Variants in PSD3 observed in about 807,000 individuals in gnomAD.
The protein encoded by PSD3 is PH and SEC7 domain-containing protein 3.
In PSD3, 49 loss-of-function variants were observed where a neutral mutation model predicts 105.5. That is an observed-to-expected ratio of 0.46 (90% confidence interval 0.37 to 0.59). The LOEUF is 0.59. Ranked by LOEUF, PSD3 falls within the 20% of genes least tolerant of loss-of-function variation. The pLI, the probability that PSD3 is intolerant of heterozygous loss-of-function variation, is 0.00. For synonymous variants in PSD3, 557 were observed against 457.8 expected, an observed-to-expected ratio of 1.22 and a Z score of -2.77; for missense variants, 1,561 against 1,263.8, an observed-to-expected ratio of 1.24 and a Z score of -3.57.
intron 1 of PSD3, among the ~76,000 whole-genome samples, chr8:18,957,583 CT>C (rs1050260290): frequency 6.6e-5 from 10 of 152,138 alleles, no homozygotes; most frequent in Non-Finnish European, 1.5e-5. Flanking sequence ...TGCTACAATT[CT>C]TTCACCTATT....
intron 3 of PSD3, among the ~76,000 whole-genome samples, chr8:18,868,847 A>C (rs904757041): frequency 6.6e-6 from 1 of 152,236 alleles, no homozygotes; most frequent in African/African-American, 2.4e-5. Flanking sequence ...AGAGGTCAAG[A>C]GTTAGAAAAA....
chr8:18,732,512 G>C, intron 9 of PSD3, among the ~76,000 whole-genome samples: 1 of 152,220 alleles, frequency 6.6e-6, no homozygotes, highest in East Asian at 1.9e-4. Context: ...CTGACCTGGG[G>C]CTGGAGGATC....
At chr8:18,755,701 A>G (rs1056246917) in intron 9 of PSD3, among the ~76,000 whole-genome samples, 4 of 150,058 alleles carry the variant, frequency 2.7e-5, no homozygotes, top group Admixed American at 6.6e-5. Flanking sequence ...ATCTGTTTGT[A>G]CTCTTAAGCA....
At chr8:18,752,875 G>A (rs963565337) in intron 9 of PSD3, among the ~76,000 whole-genome samples, 1 of 150,814 alleles carries the variant, frequency 6.6e-6, no homozygotes, top group East Asian at 2.0e-4. Flanking sequence ...TACCTGTCTT[G>A]CATTCTCAAG....
At chr8:19,080,173 G>T (rs936223197) in intron 1 of PSD3, among the ~76,000 whole-genome samples, 3 of 152,182 alleles carry the variant, frequency 2.0e-5, no homozygotes, top group African/African-American at 7.2e-5. Flanking sequence ...ACAGGCGTAA[G>T]CCACCGCGCC....
chr8:18,884,932 A>G (rs896131669), intron 2 of PSD3, among the ~76,000 whole-genome samples: 6 of 152,234 alleles, frequency 3.9e-5, no homozygotes, highest in African/African-American at 1.4e-4. Flanking sequence ...GGAACAGCCC[A>G]TTAATTTTAA....
At chr8:18,711,470 G>A (rs1177879173) in intron 9 of PSD3, among the ~76,000 whole-genome samples, 2 of 151,910 alleles carry the variant, frequency 1.3e-5, no homozygotes, top group South Asian at 2.1e-4. Flanking sequence ...AAACAGCAGG[G>A]GTCACAATCA....
chr8:19,002,527 T>C (rs1826459103), intron 1 of PSD3, among the ~76,000 whole-genome samples: 1 of 152,102 alleles, frequency 6.6e-6, no homozygotes, highest in Non-Finnish European at 1.5e-5. Context: ...CTGCATGAAT[T>C]CTTTATTCTT....
At chr8:18,998,661 C>G (rs368373531) in intron 1 of PSD3, among the ~76,000 whole-genome samples, 3 of 151,696 alleles carry the variant, frequency 2.0e-5, no homozygotes, top group East Asian at 1.9e-4. Flanking sequence ...CACTCCAGCC[C>G]GAGCAACAGA....
intron 1 of PSD3, among the ~76,000 whole-genome samples, chr8:18,992,743 AT>A (rs550759342): frequency 1.6e-4 from 24 of 152,128 alleles, no homozygotes; most frequent in African/African-American, 5.3e-4. Context: ...AGAAACCATA[AT>A]TTTTTTTAAG....
At chr8:18,730,323 C>T (rs1472457273) in intron 9 of PSD3, 2 of 152,208 alleles carry the variant, frequency 1.3e-5, no homozygotes, top group Non-Finnish European at 2.9e-5. Context: ...AAAATGTCTC[C>T]TTCTCCAGCT....
At chr8:18,894,464 G>A (rs1305579770) in intron 2 of PSD3, among the ~76,000 whole-genome samples, 1 of 152,134 alleles carries the variant, frequency 6.6e-6, no homozygotes, top group Non-Finnish European at 1.5e-5. Context: ...CGTTGTGTGA[G>A]AAGGAATCAC....
At chr8:19,055,234 T>G (rs961963393) in intron 1 of PSD3, among the ~76,000 whole-genome samples, 4 of 152,142 alleles carry the variant, frequency 2.6e-5, no homozygotes, top group African/African-American at 9.7e-5. Flanking sequence ...ACTAATGACA[T>G]GTTTACGTCC....
chr8:19,063,432 A>T (rs1586682982), intron 1 of PSD3, among the ~76,000 whole-genome samples: 1 of 152,198 alleles, frequency 6.6e-6, no homozygotes, highest in East Asian at 1.9e-4. Context: ...GTGGTGGCTC[A>T]GGCTAAATCT....
Position 18,534,139 on chromosome 8 carries a change from G to A in PSD3, c.*1604C>T, listed in dbSNP as rs902610687. ...TACAGCAGGTTTTCTCTAATTCACTGGAACCATGCTATTCCTGTAGAGCAG... is the reference window on the plus strand; with the variant it reads ...TACAGCAGGTTTTCTCTAATTCACTAGAACCATGCTATTCCTGTAGAGCAG... On this transcript the variant is annotated 3_prime_UTR_variant, in exon 16 of 16. Coordinates refer to ENST00000327040, the MANE Select transcript of PSD3 (RefSeq NM_015310.4). 2 of 152,194 alleles carry A rather than the reference G, an allele frequency of 1.3e-5. No individual in the cohort carries two copies. The highest frequency in any genetic ancestry group is 2.4e-5 in the African/African-American group (1 of 41,392). The allele number at this position is 152,194 out of a possible 1,614,324, so 9.4% of individuals were successfully genotyped here.
intron 9 of PSD3, among the ~76,000 whole-genome samples, chr8:18,753,574 CAATT>C (rs1457264304): frequency 3.9e-5 from 6 of 152,040 alleles, no homozygotes; most frequent in Admixed American, 3.9e-4. Flanking sequence ...AATGTTAAAA[CAATT>C]AAAACAAGCA....
At chr8:18,747,087 AT>A (rs1805092581) in intron 9 of PSD3, among the ~76,000 whole-genome samples, 1 of 152,226 alleles carries the variant, frequency 6.6e-6, no homozygotes, top group Non-Finnish European at 1.5e-5. Flanking sequence ...AACCCTATAG[AT>A]TTTAAGATTG....
At chr8:18,721,146 T>C (rs1237801690) in intron 9 of PSD3, 1 of 152,154 alleles carries the variant, frequency 6.6e-6, no homozygotes, top group Non-Finnish European at 1.5e-5. Flanking sequence ...CATCGCCATC[T>C]GTCCCACCGG....
intron 1 of PSD3, among the ~76,000 whole-genome samples, chr8:18,952,102 A>C (rs1004006323): frequency 6.6e-6 from 1 of 152,192 alleles, no homozygotes; most frequent in African/African-American, 2.4e-5. Flanking sequence ...GGTGGATGCC[A>C]GTCACCTTTG....
Sources: allele counts gnomAD v4.1 joint callset (sites outside exome capture counted in the v4.1 genomes callset), GRCh38; gene constraint gnomAD v4.1.1; transcripts MANE v1.5; gene names NCBI Gene and HGNC (gene_info 2026-07-23, HGNC 2026-07-21).